The following SLC4A9 variants were observed in gnomAD, a reference collection of about 807,000 sequenced individuals.
The protein encoded by SLC4A9 is solute carrier family 4 member 9, also known as anion exchange protein 4.
A neutral mutation model predicts 103.2 loss-of-function variants in SLC4A9; 102 were observed. That is an observed-to-expected ratio of 0.99 (90% confidence interval 0.84 to 1.17). SLC4A9 has a LOEUF of 1.17. Among genes scored for constraint, SLC4A9 ranks in the 50% most tolerant of loss-of-function variants. The pLI is 0.00. For missense variants in SLC4A9, 1,091 were observed against 1,193.7 expected, an observed-to-expected ratio of 0.91 and a Z score of 1.27; for synonymous variants, 453 against 483.6, an observed-to-expected ratio of 0.94 and a Z score of 0.83.
At chr5:140,373,587 G>A (rs1233726503) in intron 21 of SLC4A9, among the ~76,000 whole-genome samples, 1 of 152,120 alleles carries the variant, frequency 6.6e-6, no homozygotes, top group Non-Finnish European at 1.5e-5. Context: ...AAGAGGAAAT[G>A]GTCCATAATT....
Position 140,368,645 on chromosome 5 carries a change from G to T in SLC4A9, c.2413G>T (p.Ala805Ser). The T allele has an allele frequency of 1.2e-6, 2 of 1,613,396 alleles. No homozygotes were observed. Among genetic ancestry groups the T allele is most frequent in the Non-Finnish European group, 1.7e-6 (2 of 1,179,660 alleles). ...FILTGASIFL[A>S]PVLKFIPMPV... ...CCTTACAGGAGCCTCCATCTTCCTG[G>T]CACCTGTGCTCAAGGTACCTTTGTT... Residue 805 changes from alanine (A) to serine (S), a missense_variant, in exon 17 of 22, where the codon GCA (alanine) becomes TCA (serine). Coordinates refer to ENST00000506757, the MANE Select transcript of SLC4A9 (RefSeq NM_031467.3).
At position 140,375,012 on chromosome 5, in the gene SLC4A9, C is replaced by T. The variant is rs563512415; in HGVS notation, c.*231C>T. 5.9e-5 allele frequency: 9 copies of T among 152,108 alleles called. No individual in the cohort carries two copies. The highest frequency in any genetic ancestry group is 8.8e-5 in the Non-Finnish European group (6 of 68,050). The allele number at this position is 152,108 out of a possible 1,614,324, so 9.4% of individuals were successfully genotyped here. A position where few individuals can be genotyped will look rare whatever the true frequency, so the allele number is the denominator to read the frequency against. On this transcript the variant is annotated 3_prime_UTR_variant, in exon 22 of 22. Transcript: ENST00000506757. ...CATTAAAAGGTCCTGAGCCACGAAGCGCTTCCCATTTTGAACTTTCTGTCC... is the reference window on the plus strand; with the variant it reads ...CATTAAAAGGTCCTGAGCCACGAAGTGCTTCCCATTTTGAACTTTCTGTCC...
In SLC4A9 at chr5:140,362,081, A is replaced by T; in HGVS notation, c.626A>T (p.Glu209Val). 6.3e-7 allele frequency: 1 copy of T among 1,584,652 alleles called. No individual in the cohort carries two copies. ...GAEAGTVLAGELGFLAQPLGA... is the reference protein window; with the variant it reads ...GAEAGTVLAGVLGFLAQPLGA... ...GAGGCAGGGACTGTGCTGGCAGGGG[A>T]GCTGGGCTTCCTGGCACAGCCACTG... Residue 209 changes from glutamate to valine, a missense_variant, in exon 5 of 22, where the codon GAG becomes GTG. Coordinates refer to ENST00000506757, the MANE Select transcript of SLC4A9 (RefSeq NM_031467.3).
chr5:140,365,072 C>T (rs1767680877), intron 11 of SLC4A9, among the ~76,000 whole-genome samples: 2 of 152,252 alleles, frequency 1.3e-5, no homozygotes, highest in African/African-American at 4.8e-5. Context: ...TATCACTGCT[C>T]TTCTGGGTGA....
At position 140,363,325 on chromosome 5, in the gene SLC4A9, C is replaced by G; in HGVS notation, c.963-114C>G. 1 of 1,051,536 alleles carries G rather than the reference C, an allele frequency of 9.5e-7. No individual in the cohort carries two copies. The highest frequency in any genetic ancestry group is 1.4e-6 in the Non-Finnish European group (1 of 724,088). The allele number at this position is 1,051,536 out of a possible 1,614,324, so 65.1% of individuals were successfully genotyped here. A position where few individuals can be genotyped will look rare whatever the true frequency, so the allele number is the denominator to read the frequency against. The stretch of plus-strand genomic sequence containing the variant: ...TAGAGGCCCAGGTGTCGCCATGGTT[C>G]CCTCGCCGGCAGAGACAAGAGCAGC... On this transcript the variant is annotated intron_variant, in intron 7 of 21. Transcript: ENST00000506757. This position sits in a 1 kb window ranked among gnomAD's most constrained non-coding sequence, Gnocchi z 4.5.
At chr5:140,371,406 A>G in intron 18 of SLC4A9, 45 bp from the exon 19 acceptor site, 1 of 1,609,034 alleles carries the variant, frequency 6.2e-7, no homozygotes, top group Non-Finnish European at 8.5e-7. Context: ...CCCTCCTATC[A>G]GGCTACCTGA....
At position 140,362,962 on chromosome 5, in the gene SLC4A9, A is replaced by C. The variant is rs775111229; in HGVS notation, c.858A>C (p.Ala286=). ...CCAGCAACCTTCATGACCTTCTGGC[A>C]GCCCTGGATGCATTCCTAGAGGAGG... ...RRASNLHDLL[A]ALDAFLEEVT... The change falls in exon 7 of 22, where the codon GCA becomes GCC. Residue 286 remains alanine (A), a synonymous_variant. Coordinates refer to ENST00000506757, the MANE Select transcript of SLC4A9 (RefSeq NM_031467.3). The C allele has an allele frequency of 2.5e-5, 40 of 1,613,582 alleles. No homozygotes were observed. The highest frequency in any genetic ancestry group is 3.4e-5 in the Non-Finnish European group (40 of 1,179,718).
At chr5:140,368,217 A>G (rs1768183958) in intron 16 of SLC4A9, among the ~76,000 whole-genome samples, 1 of 152,250 alleles carries the variant, frequency 6.6e-6, no homozygotes, top group South Asian at 2.1e-4. Flanking sequence ...CCATCATAAA[A>G]GCAATTTTGG....
Position 140,364,046 on chromosome 5 carries a change from G to T in SLC4A9, c.1255-8G>T, listed in dbSNP as rs1290191178. On this transcript the variant is annotated splice_polypyrimidine_tract_variant and splice_region_variant and intron_variant, in intron 9 of 21. Transcript: ENST00000506757. ...AGGGTCCTGTGCTGAGCCCCTGTTG[G>T]CTTCCAGGGAGTGCTGGAAAGTTTC... 1 of 1,527,332 alleles carries T rather than the reference G, an allele frequency of 6.5e-7. No homozygotes were observed. Among genetic ancestry groups the T allele is most frequent in the Admixed American group, 2.2e-5 (1 of 45,420 alleles). 94.6% of individuals were successfully genotyped at this position (1,527,332 alleles called of 1,614,324 possible). A position where few individuals can be genotyped will look rare whatever the true frequency, so the allele number is the denominator to read the frequency against.
At chr5:140,372,901 T>C (rs1768936689) in intron 21 of SLC4A9, 58 bp downstream of exon 21, 1 of 1,060,620 alleles carries the variant, frequency 9.4e-7, no homozygotes, top group South Asian at 1.7e-5. Flanking sequence ...GGTTCAGACC[T>C]TGGAACTCTC....
In SLC4A9 at chr5:140,365,911, C is replaced by T. The variant is rs763106509; in HGVS notation, c.1788C>T (p.Gly596=). 1.9e-6 allele frequency: 3 copies of T among 1,614,050 alleles called. No individual in the cohort carries two copies. In the East Asian group the frequency reaches 6.7e-5, roughly 36 times the overall value. ...TRQGGHPRGP[G]CHTVPDIAFF... is the part of the protein sequence containing the mutation. ...AGGGAGGCCACCCTCGTGGCCCTGG[C>T]TGTCATACAGTCCCAGACATTGCCT... is the stretch of plus-strand genomic sequence containing the variant. The change falls in exon 13 of 22, where the codon GGC becomes GGT. Residue 596 remains glycine (G), a synonymous_variant. Transcript: ENST00000506757.
intron 17 of SLC4A9, 144 bp from the exon 18 acceptor site, chr5:140,370,951 G>A (rs1768623288): frequency 3.3e-6 from 2 of 615,096 alleles, no homozygotes; most frequent in South Asian, 2.1e-5. Context: ...CAATAAGATC[G>A]GCATGAAACA....
At chr5:140,361,214 G>A (rs1767025318) in intron 2 of SLC4A9, 40 bp from the exon 3 acceptor site, 1 of 1,501,048 alleles carries the variant, frequency 6.7e-7, no homozygotes, top group Non-Finnish European at 9.1e-7. Flanking sequence ...GTGCGGCAGG[G>A]AACTCTCAGG....
chr5:140,368,665 T>C lies in SLC4A9; in HGVS notation c.2427+6T>C. Reference sequence around the variant, plus strand: ...TCCTGGCACCTGTGCTCAAGGTACCTTTGTTATACAAGCCAGGATCAGGGT... The same window carrying C: ...TCCTGGCACCTGTGCTCAAGGTACCCTTGTTATACAAGCCAGGATCAGGGT... On this transcript the variant is annotated splice_donor_region_variant and intron_variant, in intron 17 of 21. Transcript: ENST00000506757. 6.2e-7 allele frequency: 1 copy of C among 1,612,440 alleles called. No individual in the cohort carries two copies. Among genetic ancestry groups the C allele is most frequent in the South Asian group, 1.1e-5 (1 of 90,856 alleles).
At position 140,362,617 on chromosome 5, in the gene SLC4A9, T is replaced by C. The variant is rs1767272311; in HGVS notation, c.807+85T>C. On this transcript the variant is annotated intron_variant, in intron 6 of 21. Transcript: ENST00000506757. ...ACACATGCATACATGCATGGGCTCA[T>C]GTGAGTGTGTGTGTGTGGACTCTGT... is the stretch of plus-strand genomic sequence containing the variant. 3.8e-6 allele frequency: 5 copies of C among 1,307,858 alleles called. No individual in the cohort carries two copies. The Admixed American group carries it at 8.5e-5, about 22-fold the overall frequency. The allele number at this position is 1,307,858 out of a possible 1,614,324, so 81.0% of individuals were successfully genotyped here. A position where few individuals can be genotyped will look rare whatever the true frequency, so the allele number is the denominator to read the frequency against.
intron 4 of SLC4A9, 33 bp from the exon 5 acceptor site, chr5:140,361,984 T>C (rs755638458): frequency 1.2e-6 from 2 of 1,613,562 alleles, no homozygotes; most frequent in Non-Finnish European, 1.7e-6. Flanking sequence ...AAATAACCTT[T>C]CATATTCTGT....
In SLC4A9 at chr5:140,372,232, A is replaced by C. The variant is rs1356449329; in HGVS notation, c.2671-10A>C. Reference sequence around the variant, plus strand: ...GCTGACAGGCCTGGGCCATGTTTCTATTCCTGCAGTTGCTGGGCCTTGTGG... The same window carrying C: ...GCTGACAGGCCTGGGCCATGTTTCTCTTCCTGCAGTTGCTGGGCCTTGTGG... On this transcript the variant is annotated splice_polypyrimidine_tract_variant and intron_variant, in intron 19 of 21. Transcript: ENST00000506757. 6.5e-7 allele frequency: 1 copy of C among 1,546,288 alleles called. No homozygotes were observed. Among genetic ancestry groups the C allele is most frequent in the Non-Finnish European group, 8.7e-7 (1 of 1,153,116 alleles).
intron 19 of SLC4A9, among the ~76,000 whole-genome samples, chr5:140,371,884 T>C (rs1268754118): frequency 1.3e-5 from 2 of 152,184 alleles, no homozygotes; most frequent in Non-Finnish European, 2.9e-5. Context: ...CCAGAAGAAA[T>C]CTGAGGTCTT....
rs369689086 is a variant in SLC4A9 at position 140,363,406 on chromosome 5, C to T, written c.963-33C>T. ...ACCGAGTCGCAGACTGGTTGGAGAT[C>T]CTCAGCCAACCTGGGGTTCCCCTCC... On this transcript the variant is annotated intron_variant, in intron 7 of 21. Transcript: ENST00000506757. The surrounding 1 kb of genome is among the most constrained non-coding windows in gnomAD (Gnocchi z 4.5). 3.2e-4 allele frequency: 486 copies of T among 1,533,136 alleles called. 5 individuals are homozygous for T. In the African/African-American group the frequency reaches 6.2e-3, roughly 19 times the overall value. The allele number at this position is 1,533,136 out of a possible 1,614,324, so 95.0% of individuals were successfully genotyped here. A position where few individuals can be genotyped will look rare whatever the true frequency, so the allele number is the denominator to read the frequency against.
Sources: gnomAD v4.1 joint callset for allele counts (sites outside exome capture counted in the v4.1 genomes callset) on GRCh38, gnomAD v4.1.1 for gene constraint, Gnocchi (gnomAD v3.1) non-coding constraint, MANE v1.5 for transcripts, NCBI Gene and HGNC (gene_info 2026-07-23, HGNC 2026-07-21) for gene names.